Variants in FGA observed in about 807,000 individuals in gnomAD.
The protein encoded by FGA is fibrinogen, A alpha polypeptide.
FGA carries 20 observed loss-of-function variants against 20.3 expected under a neutral mutation model. The observed-to-expected ratio is 0.99, with a 90% CI of 0.69 to 1.43. FGA has a LOEUF of 1.43. Ranked by LOEUF, FGA falls within the 40% of genes most tolerant of loss-of-function variation. FGA has a pLI of 0.00. For missense variants in FGA, 777 were observed against 784.7 expected, an observed-to-expected ratio of 0.99 and a Z score of 0.12; for synonymous variants, 306 against 281.6, an observed-to-expected ratio of 1.09 and a Z score of -0.87.
chr4:154,585,383 G>GT lies in FGA; in HGVS notation c.*110dup, dbSNP rs1730679752. 9.3e-7 allele frequency: 1 copy of GT among 1,078,346 alleles called. No individual in the cohort carries two copies. The highest frequency in any genetic ancestry group is 1.3e-6 in the Non-Finnish European group (1 of 744,224). The allele number at this position is 1,078,346 out of a possible 1,614,324, so 66.8% of individuals were successfully genotyped here. A position where few individuals can be genotyped will look rare whatever the true frequency, so the allele number is the denominator to read the frequency against. On this transcript the variant is annotated 3_prime_UTR_variant, in exon 5 of 5. Coordinates refer to ENST00000403106, the MANE Select transcript of FGA (RefSeq NM_021871.4). ...AGGCCCTGCCCCCAAGGAACTTACA[G>GT]TCTAGCACAAAAACAGACCAAAAAA...
At position 154,585,657 on chromosome 4, in the gene FGA, C is replaced by T. The variant is rs1464640845; in HGVS notation, c.1772G>A (p.Arg591Lys). 6.2e-7 allele frequency: 1 copy of T among 1,614,052 alleles called. No individual in the cohort carries two copies. Among genetic ancestry groups the T allele is most frequent in the Non-Finnish European group, 8.5e-7 (1 of 1,180,034 alleles). ...KQFTSSTSYN[R>K]GDSTFESKSY... ...CTTGCTTTCAAATGTGGAGTCTCCT[C>T]TGTTGTAACTCGTGCTACTAGTAAA... is the stretch of plus-strand genomic sequence containing the variant. The change falls in exon 5 of 5, where the codon AGA becomes AAA. Residue 591 changes from arginine (R) to lysine (K), a missense_variant. Coordinates refer to ENST00000403106, the MANE Select transcript of FGA (RefSeq NM_021871.4).
In FGA at chr4:154,588,615, G is replaced by GA. The variant is rs199569574; in HGVS notation, c.364+177dup. Among the ~76,000 whole-genome samples the GA allele has an allele frequency of 1.6e-3, 249 of 152,188 alleles. 4 individuals are homozygous for GA. The East Asian group carries it at 0.047, about 29-fold the overall frequency. On this transcript the variant is annotated intron_variant, in intron 3 of 4. Transcript: ENST00000403106. ...AATCTCAGTTAACATCTTTTACTTT[G>GA]AAAAAATAACGAAAACAAAAGCTCC...
Position 154,587,602 on chromosome 4 carries a change from G to C in FGA, c.420C>G (p.Val140=). 6.2e-7 allele frequency: 1 copy of C among 1,613,846 alleles called. No homozygotes were observed. Among genetic ancestry groups the C allele is most frequent in the Non-Finnish European group, 8.5e-7 (1 of 1,179,898 alleles). ...CTTTTTCTATGACTTTGCGCTTCAG[G>C]ACTTCAATTCTGCTTCTCAGATCCT... ...VSEDLRSRIE[V]LKRKVIEKVQ... The change falls in exon 4 of 5, where the codon GTC becomes GTG. Residue 140 remains valine (V), a synonymous_variant. Transcript: ENST00000403106.
intron 3 of FGA, among the ~76,000 whole-genome samples, chr4:154,588,201 T>A (rs1325312044): frequency 6.6e-6 from 1 of 152,214 alleles, no homozygotes; most frequent in Non-Finnish European, 1.5e-5. Flanking sequence ...GTTGCATCAC[T>A]GATTTTAAAT....
At position 154,585,842 on chromosome 4, in the gene FGA, G is replaced by T; in HGVS notation, c.1587C>A (p.Phe529Leu). Residue 529 changes from phenylalanine (F) to leucine (L), a missense_variant, in exon 5 of 5, where the codon TTC (phenylalanine) becomes TTA (leucine). By Grantham distance (22) the Phe-to-Leu change is conservative (BLOSUM62 0). Transcript: ENST00000403106. Reference protein sequence around the residue: ...FFDTASTGKTFPGFFSPMLGE... With the variant: ...FFDTASTGKTLPGFFSPMLGE... The stretch of plus-strand genomic sequence containing the variant: ...CTAACATAGGTGAGAAGAAACCTGG[G>T]AATGTTTTTCCAGTTGAGGCAGTGT... The T allele has an allele frequency of 6.2e-7, 1 of 1,614,126 alleles. No individual in the cohort carries two copies. The highest frequency in any genetic ancestry group is 8.5e-7 in the Non-Finnish European group (1 of 1,180,000).
downstream of FGA, chr4:154,585,220 A>C (rs1196271014): frequency 7.6e-7 from 1 of 1,323,418 alleles, no homozygotes; most frequent in Admixed American, 3.4e-5. Flanking sequence ...AATAGCACAC[A>C]CTTTGAATAG....
downstream of FGA, chr4:154,584,538 C>G (rs1289107077): frequency 6.2e-7 from 1 of 1,614,172 alleles, no homozygotes; most frequent in Non-Finnish European, 8.5e-7. Flanking sequence ...CAGCCCAGTC[C>G]TCTAATTCAA....
chr4:154,590,206 C>T (rs951377923), intron 1 of FGA, among the ~76,000 whole-genome samples: 1 of 152,180 alleles, frequency 6.6e-6, no homozygotes, highest in Non-Finnish European at 1.5e-5. Flanking sequence ...ACTGTACTAA[C>T]ACTAAAAGTT....
intron 1 of FGA, 131 bp from the exon 2 acceptor site, chr4:154,589,693 G>A (rs776136018): frequency 3.2e-6 from 3 of 952,086 alleles, no homozygotes; most frequent in East Asian, 2.5e-5. Context: ...CAGACACAGG[G>A]CTTCGGCAAG....
rs373473045 is a variant in FGA, at chr4:154,588,968, T to C, written c.189A>G (p.Lys63=). 4 of 1,612,490 alleles carry C rather than the reference T, an allele frequency of 2.5e-6. No individual in the cohort carries two copies. Among genetic ancestry groups the C allele is most frequent in the Non-Finnish European group, 3.4e-6 (4 of 1,178,786 alleles). ...PFCSDEDWNY[K]CPSGCRMKGL... is the part of the protein sequence containing the mutation. ...CTTTCATCCTGCAGCCAGAAGGGCA[T>C]TTGTAGTTCTGAAAGTGAAGGGAGA... Residue 63 remains lysine, a synonymous_variant, in exon 3 of 5, where the codon AAA becomes AAG. Transcript: ENST00000403106.
At chr4:154,584,102 C>T (rs774369622), downstream of FGA, 1 of 1,566,740 alleles carries the variant, frequency 6.4e-7, no homozygotes, top group South Asian at 1.1e-5. Context: ...AGACAGAGTG[C>T]TCCCATTCCC....
chr4:154,590,688 C>A lies in FGA; in HGVS notation c.-1G>T, dbSNP rs539702396. 3.9e-6 allele frequency: 6 copies of A among 1,555,178 alleles called. No individual in the cohort carries two copies. In the African/African-American group the frequency reaches 5.4e-5, roughly 14 times the overall value. On this transcript the variant is annotated 5_prime_UTR_variant, in exon 1 of 5. Transcript: ENST00000403106. The stretch of plus-strand genomic sequence containing the variant: ...GGCAGACGATCCTCATGGAAAACAT[C>A]TTTTCTAAGGGTGGGGCTGGCTCCT...
chr4:154,589,360 G>C, intron 2 of FGA, 77 bp downstream of exon 2: 1 of 1,570,186 alleles, frequency 6.4e-7, no homozygotes, highest in Non-Finnish European at 8.7e-7. Flanking sequence ...AAAGTTTCTG[G>C]GACCAATCAG....
rs1553964331 is a variant in FGA, at chr4:154,587,745, G to GAGAAAGAAGAAAGAA, written c.365-89_365-88insTTCTTTCTTCTTTCT. 8 of 513,616 alleles carry GAGAAAGAAGAAAGAA rather than the reference G, an allele frequency of 1.6e-5. No homozygotes were observed. The African/African-American group carries it at 1.6e-4, about 11-fold the overall frequency. The allele number at this position is 513,616 out of a possible 1,614,324, so 31.8% of individuals were successfully genotyped here. The stretch of plus-strand genomic sequence containing the variant: ...AAAAGAAAGGAAGAAAGGAAGGAAG[G>GAGAAAGAAGAAAGAA]AGAAAGAAAGAAAGAAAGAAAGAAA... On this transcript the variant is annotated intron_variant, in intron 3 of 4. Transcript: ENST00000403106.
At chr4:154,584,791 C>T (rs765266294), downstream of FGA, 5 of 1,613,848 alleles carry the variant, frequency 3.1e-6, no homozygotes, top group Non-Finnish European at 4.2e-6. Flanking sequence ...GAAAATGCCA[C>T]TTTGGGTACC....
chr4:154,590,343 A>G (rs1199429130), intron 1 of FGA, among the ~76,000 whole-genome samples: 3 of 152,210 alleles, frequency 2.0e-5, no homozygotes, highest in African/African-American at 7.2e-5. Context: ...ATGGCAAATA[A>G]TTCTTGCCCT....
Position 154,590,625 on chromosome 4 carries a change from G to T in FGA, c.54+9C>A. The T allele has an allele frequency of 6.4e-7, 1 of 1,553,414 alleles. No homozygotes were observed. Among genetic ancestry groups the T allele is most frequent in the Non-Finnish European group, 8.7e-7 (1 of 1,147,118 alleles). On this transcript the variant is annotated intron_variant, in intron 1 of 4. Coordinates refer to ENST00000403106, the MANE Select transcript of FGA (RefSeq NM_021871.4). ...AGAAAGCAAGAAGAAAAAATGAAAA[G>T]GGCCATACCCATGCTGTGCCCACCA...
chr4:154,584,049 C>T (rs899453478), downstream of FGA: 3 of 1,220,172 alleles, frequency 2.5e-6, no homozygotes, highest in Admixed American at 5.0e-5. Context: ...AGAATCTCAA[C>T]TGCTTTACCT....
chr4:154,583,543 A>G (rs1730636380), downstream of FGA: 1 of 152,476 alleles, frequency 6.6e-6, no homozygotes, highest in Non-Finnish European at 1.5e-5. Flanking sequence ...AAGAGTTTAA[A>G]GGATAGATTT....
Sources: gnomAD v4.1 joint callset for allele counts (sites outside exome capture counted in the v4.1 genomes callset) on GRCh38, gnomAD v4.1.1 for gene constraint, MANE v1.5 for transcripts, NCBI Gene and HGNC (gene_info 2026-07-23, HGNC 2026-07-21) for gene names.